Variants in COL23A1 observed in about 807,000 individuals in gnomAD.
COL23A1 encodes collagen alpha-1(XXIII) chain.
COL23A1 carries 97 observed loss-of-function variants against 99.3 expected under a neutral mutation model. The observed-to-expected ratio is 0.98, with a 90% confidence interval of 0.83 to 1.16. COL23A1 has a LOEUF of 1.16. Among genes scored for constraint, COL23A1 ranks in the 50% most tolerant of loss-of-function variants. The probability of loss-of-function intolerance (pLI) is 0.00; values close to 1 mark genes in which losing one functional copy is unlikely to be tolerated. For synonymous variants in COL23A1, 320 were observed against 308.2 expected (o/e 1.04, Z -0.40); for missense variants, 762 against 757.4 (o/e 1.01, Z -0.07).
chr5:178,526,559 A>G (rs2672825), intron 2 of COL23A1, among the ~76,000 whole-genome samples: 139,822 of 152,220 alleles, frequency 0.92, 64,266 homozygotes, highest in Admixed American at 0.95. Flanking sequence ...AGCCCAGTAA[A>G]TTCTCTTTGA....
At chr5:178,521,653 A>T (rs1197093349) in intron 2 of COL23A1, among the ~76,000 whole-genome samples, 1 of 152,244 alleles carries the variant, frequency 6.6e-6, no homozygotes, top group African/African-American at 2.4e-5. Context: ...CTAACCATGC[A>T]ATGGAATATT....
chr5:178,428,072 C>A lies in COL23A1; in HGVS notation c.362-121153G>T, dbSNP rs956950188. Among the ~76,000 whole-genome samples, 3 of 152,140 alleles carry A rather than the reference C, an allele frequency of 2.0e-5. No homozygotes were observed. Among genetic ancestry groups the A allele is most frequent in the Non-Finnish European group, 4.4e-5 (3 of 68,006 alleles). On this transcript the variant is annotated intron_variant, in intron 2 of 28. Transcript: ENST00000390654. This position sits in a 1 kb window ranked among gnomAD's most constrained non-coding sequence, Gnocchi z 5.0. ...TTAGGAAGCCAATTTGGCTCTGGTC[C>A]AAGCCCTCTCCTCCAGTCCAGCCTT...
At chr5:178,518,350 C>T (rs1018394098) in intron 2 of COL23A1, among the ~76,000 whole-genome samples, 1 of 150,740 alleles carries the variant, frequency 6.6e-6, no homozygotes, top group Non-Finnish European at 1.5e-5. Context: ...CCCACCTTTC[C>T]CGCCTTTCTA....
chr5:178,470,470 A>C (rs987150873), intron 2 of COL23A1, among the ~76,000 whole-genome samples: 1 of 152,078 alleles, frequency 6.6e-6, no homozygotes, highest in Non-Finnish European at 1.5e-5. Flanking sequence ...CCAGCTCCCC[A>C]CCCAGACCCC....
intron 1 of COL23A1, 35 bp from the exon 2 acceptor site, chr5:178,560,783 A>C: frequency 1.3e-6 from 2 of 1,580,462 alleles, no homozygotes; most frequent in Non-Finnish European, 1.7e-6. Flanking sequence ...AAAAACGAGG[A>C]GAGAATGAGT....
At chr5:178,577,616 C>G (rs921456336) in intron 1 of COL23A1, among the ~76,000 whole-genome samples, 2 of 152,184 alleles carry the variant, frequency 1.3e-5, no homozygotes, top group African/African-American at 2.4e-5. Context: ...CGCCTGCCCC[C>G]CGCTGCCTGG....
intron 2 of COL23A1, among the ~76,000 whole-genome samples, chr5:178,393,909 G>C (rs1764097485): frequency 6.6e-6 from 1 of 152,168 alleles, no homozygotes. Context: ...TTATAGGTGT[G>C]AGCTACCAAG....
At chr5:178,446,871 C>G (rs910224680) in intron 2 of COL23A1, among the ~76,000 whole-genome samples, 1 of 152,040 alleles carries the variant, frequency 6.6e-6, no homozygotes, top group Non-Finnish European at 1.5e-5. Flanking sequence ...CTGAATGACT[C>G]AAGAGAATTT....
chr5:178,386,891 C>T (rs944820866), intron 2 of COL23A1, among the ~76,000 whole-genome samples: 3 of 152,240 alleles, frequency 2.0e-5, no homozygotes, highest in South Asian at 2.1e-4. Flanking sequence ...TGCCACTGAT[C>T]GGATGCCTGG....
intron 2 of COL23A1, among the ~76,000 whole-genome samples, chr5:178,371,472 G>A (rs559178717): frequency 8.5e-5 from 13 of 152,236 alleles, no homozygotes; most frequent in African/African-American, 2.2e-4. Flanking sequence ...CTGAGACTCC[G>A]CCAGTCCCAC....
intron 2 of COL23A1, among the ~76,000 whole-genome samples, chr5:178,551,839 TA>T (rs969958469): frequency 1.9e-4 from 29 of 152,134 alleles, no homozygotes; most frequent in African/African-American, 5.8e-4. Context: ...GTCTTAAAGC[TA>T]AATTCCACTC....
intron 2 of COL23A1, among the ~76,000 whole-genome samples, chr5:178,373,815 C>T (rs1279474566): frequency 6.6e-6 from 1 of 152,200 alleles, no homozygotes; most frequent in Admixed American, 6.5e-5. Context: ...ATCCTCGTCC[C>T]AGGGGGCTGC....
At chr5:178,252,687 C>A (rs975782754) in intron 16 of COL23A1, 90 bp from the exon 17 acceptor site, 7 of 1,128,430 alleles carry the variant, frequency 6.2e-6, no homozygotes, top group Non-Finnish European at 9.0e-6. Flanking sequence ...AATCAAGTCC[C>A]CGTCCAGCTG....
intron 2 of COL23A1, among the ~76,000 whole-genome samples, chr5:178,336,541 C>T (rs748126516): frequency 7.9e-5 from 12 of 152,176 alleles, no homozygotes; most frequent in Non-Finnish European, 1.3e-4. Context: ...AATACGTCAA[C>T]CAGAGATAGC....
chr5:178,525,772 A>C (rs1385773878), intron 2 of COL23A1, among the ~76,000 whole-genome samples: 1 of 152,280 alleles, frequency 6.6e-6, no homozygotes, highest in African/African-American at 2.4e-5. Flanking sequence ...GCAAAATGGA[A>C]AAAGATAATG....
At chr5:178,563,364 G>A (rs894926411) in intron 1 of COL23A1, among the ~76,000 whole-genome samples, 3 of 152,098 alleles carry the variant, frequency 2.0e-5, no homozygotes, top group Admixed American at 6.6e-5. Context: ...AGGCGCAGCA[G>A]ACACCACCCC....
chr5:178,554,138 T>G (rs1159523950), intron 2 of COL23A1, among the ~76,000 whole-genome samples: 2 of 151,426 alleles, frequency 1.3e-5, no homozygotes, highest in African/African-American at 4.8e-5. Flanking sequence ...CACTTTCCCC[T>G]GGGCCACGCT....
intron 2 of COL23A1, among the ~76,000 whole-genome samples, chr5:178,558,405 C>A (rs1004673842): frequency 4.6e-5 from 7 of 152,126 alleles, no homozygotes; most frequent in African/African-American, 1.7e-4. Context: ...CCCCCTTCTC[C>A]CACTCTCCAG....
intron 2 of COL23A1, among the ~76,000 whole-genome samples, chr5:178,319,623 T>C (rs1759177631): frequency 6.6e-6 from 1 of 152,212 alleles, no homozygotes; most frequent in Admixed American, 6.5e-5. Flanking sequence ...GAGCTGACCC[T>C]TGCAGGCCTT....
Sources: gnomAD v4.1 joint callset for allele counts (sites outside exome capture counted in the v4.1 genomes callset) on GRCh38, gnomAD v4.1.1 for gene constraint, Gnocchi (gnomAD v3.1) non-coding constraint, MANE v1.5 for transcripts, NCBI Gene and HGNC (gene_info 2026-07-23, HGNC 2026-07-21) for gene names.